The following TMEFF2 variants were observed in gnomAD, a reference collection of about 807,000 sequenced individuals.
The protein encoded by TMEFF2 is tomoregulin-2.
Under a neutral mutation model 53.8 loss-of-function variants are expected in TMEFF2, and 28 were observed. That is an observed-to-expected ratio of 0.52 (90% CI 0.39 to 0.71). The LOEUF is 0.71. Ranked by LOEUF, TMEFF2 falls within the 30% of genes least tolerant of loss-of-function variation. TMEFF2 has a pLI of 0.00. For synonymous variants in TMEFF2, 162 were observed against 166.3 expected (o/e 0.97, Z 0.20); for missense variants, 353 against 455.2 (o/e 0.78, Z 2.04).
chr2:192,020,136 C>T (rs1355432014), intron 5 of TMEFF2, among the ~76,000 whole-genome samples: 1 of 152,086 alleles, frequency 6.6e-6, no homozygotes, highest in African/African-American at 2.4e-5. Context: ...TTTTTCTTCC[C>T]TACCCTCTTT....
At chr2:191,960,716 A>G (rs1468827301) in intron 7 of TMEFF2, among the ~76,000 whole-genome samples, 1 of 152,194 alleles carries the variant, frequency 6.6e-6, no homozygotes, top group African/African-American at 2.4e-5. Flanking sequence ...GAGAAAATTG[A>G]AAAGATCCTA....
chr2:192,128,904 G>A (rs1244357059), intron 4 of TMEFF2, among the ~76,000 whole-genome samples: 1 of 152,184 alleles, frequency 6.6e-6, no homozygotes, highest in Non-Finnish European at 1.5e-5. Context: ...CTTCCCCCGG[G>A]GAGGTAGCAA....
At chr2:192,188,141 T>C (rs1050092021) in intron 2 of TMEFF2, among the ~76,000 whole-genome samples, 1 of 152,214 alleles carries the variant, frequency 6.6e-6, no homozygotes, top group Non-Finnish European at 1.5e-5. Flanking sequence ...CTTTGGCCAT[T>C]CCATAAGTAA....
At chr2:192,099,856 A>G (rs13418161) in intron 4 of TMEFF2, among the ~76,000 whole-genome samples, 1,124 of 59,248 alleles carry the variant, frequency 0.019, 20 homozygotes, top group African/African-American at 0.052. Flanking sequence ...ATAGTTTGAC[A>G]AATAGATCAG....
chr2:192,054,310 G>C (rs995629844), intron 5 of TMEFF2, among the ~76,000 whole-genome samples: 1 of 152,110 alleles, frequency 6.6e-6, no homozygotes, highest in Middle Eastern at 3.2e-3. Flanking sequence ...GCTTGGCTTT[G>C]TATACCAGTT....
At chr2:192,181,009 T>C (rs953735727) in intron 3 of TMEFF2, among the ~76,000 whole-genome samples, 1 of 151,834 alleles carries the variant, frequency 6.6e-6, no homozygotes, top group Non-Finnish European at 1.5e-5. Flanking sequence ...GGCAAGTTAA[T>C]TGGTAAAATA....
chr2:191,950,093 AGTTT>A lies in TMEFF2; in HGVS notation c.*214_*217del. On this transcript the variant is annotated 3_prime_UTR_variant, in exon 10 of 10. Transcript: ENST00000272771. ...AAAAACTATATTGTGTGATATAAAT[AGTTT>A]ATTTACATTACAGAAAAAACATCAA... is the stretch of plus-strand genomic sequence containing the variant. The A allele has an allele frequency of 1.5e-6, 2 of 1,303,100 alleles. No individual in the cohort carries two copies. Among genetic ancestry groups the A allele is most frequent in the East Asian group, 3.1e-5 (1 of 32,684 alleles). 80.7% of individuals were successfully genotyped at this position (1,303,100 alleles called of 1,614,324 possible). A position where few individuals can be genotyped will look rare whatever the true frequency, so the allele number is the denominator to read the frequency against.
rs1161301212 is a variant in TMEFF2 at position 191,994,267 on chromosome 2, G to A, written c.745+3995C>T. On this transcript the variant is annotated intron_variant, in intron 7 of 9. Coordinates refer to ENST00000272771, the MANE Select transcript of TMEFF2 (RefSeq NM_016192.4). ...AAAAATATGGAAGAAAAATACAAAT[G>A]TATTTTAATTATAAAACACTCCAAA... is the stretch of plus-strand genomic sequence containing the variant. Among the ~76,000 whole-genome samples, 4 of 151,870 alleles carry A rather than the reference G, an allele frequency of 2.6e-5. No homozygotes were observed. In the East Asian group the frequency reaches 7.7e-4, roughly 29 times the overall value.
chr2:192,091,762 A>G (rs1288220293), intron 4 of TMEFF2, among the ~76,000 whole-genome samples: 1 of 152,092 alleles, frequency 6.6e-6, no homozygotes, highest in African/African-American at 2.4e-5. Context: ...CTGAATTTCA[A>G]TGTAATTCTC....
chr2:191,988,171 C>T (rs1686023177), intron 7 of TMEFF2, among the ~76,000 whole-genome samples: 1 of 152,170 alleles, frequency 6.6e-6, no homozygotes, highest in Non-Finnish European at 1.5e-5. Flanking sequence ...TAGGCTTACT[C>T]TTAATTTTTC....
intron 5 of TMEFF2, among the ~76,000 whole-genome samples, chr2:192,016,629 A>G (rs1354820264): frequency 1.3e-5 from 2 of 152,212 alleles, no homozygotes; most frequent in Non-Finnish European, 2.9e-5. Flanking sequence ...GTCCAGTAAA[A>G]CTGGATGTTT....
intron 9 of TMEFF2, among the ~76,000 whole-genome samples, chr2:191,951,127 T>C (rs559685614): frequency 2.0e-5 from 3 of 151,948 alleles, no homozygotes; most frequent in Admixed American, 6.6e-5. Context: ...TACATACACA[T>C]ATATATCACG....
At chr2:192,027,631 T>G (rs1460514998) in intron 5 of TMEFF2, among the ~76,000 whole-genome samples, 1 of 152,204 alleles carries the variant, frequency 6.6e-6, no homozygotes, top group Non-Finnish European at 1.5e-5. Flanking sequence ...GTAACTATTC[T>G]TGTAAAACAG....
chr2:192,009,850 G>A (rs1216620128), intron 5 of TMEFF2, among the ~76,000 whole-genome samples: 1 of 152,028 alleles, frequency 6.6e-6, no homozygotes, highest in Non-Finnish European at 1.5e-5. Flanking sequence ...TAGAGCACAA[G>A]TATTATATTA....
In TMEFF2 at chr2:192,050,242, TTCTACACCAGATC is replaced by T. The variant is rs564943696; in HGVS notation, c.536+7424_536+7436del. Among the ~76,000 whole-genome samples, 29 of 152,304 alleles carry T rather than the reference TTCTACACCAGATC, an allele frequency of 1.9e-4. No homozygotes were observed. In the East Asian group the frequency reaches 5.6e-3, roughly 29 times the overall value. The stretch of plus-strand genomic sequence containing the variant: ...TTCTTTATCCCCATATTTCTTGGTA[TTCTACACCAGATC>T]TGGGTTTGTAGCTGTCATAACCTAA... On this transcript the variant is annotated intron_variant, in intron 5 of 9. Transcript: ENST00000272771.
chr2:192,111,698 G>A (rs767869264), intron 4 of TMEFF2, among the ~76,000 whole-genome samples: 4 of 152,174 alleles, frequency 2.6e-5, no homozygotes, highest in Admixed American at 6.6e-5. Context: ...GTCTCCAGGG[G>A]ATTTCACAGA....
At chr2:192,181,752 T>C (rs1188424870) in intron 3 of TMEFF2, among the ~76,000 whole-genome samples, 5 of 151,830 alleles carry the variant, frequency 3.3e-5, no homozygotes, top group Non-Finnish European at 7.4e-5. Flanking sequence ...TTAGCTTGTA[T>C]TTCCCACATG....
At chr2:192,145,671 G>A (rs2105994483) in intron 4 of TMEFF2, among the ~76,000 whole-genome samples, 1 of 152,092 alleles carries the variant, frequency 6.6e-6, no homozygotes, top group South Asian at 2.1e-4. Context: ...TAAGGTCACA[G>A]ATTCTAGGCA....
intron 4 of TMEFF2, among the ~76,000 whole-genome samples, chr2:192,125,832 G>A (rs370236361): frequency 5.9e-5 from 9 of 152,182 alleles, no homozygotes; most frequent in Admixed American, 1.3e-4. Flanking sequence ...ATGAGAAGAC[G>A]TGGACACATG....
Sources: allele counts gnomAD v4.1 joint callset (sites outside exome capture counted in the v4.1 genomes callset), GRCh38; gene constraint gnomAD v4.1.1; transcripts MANE v1.5; gene names NCBI Gene and HGNC (gene_info 2026-07-23, HGNC 2026-07-21).